The following AGBL1 variants were observed in gnomAD, a reference collection of about 807,000 sequenced individuals.
AGBL1 encodes AGBL carboxypeptidase 1.
In AGBL1, 130 loss-of-function variants were observed where a neutral mutation model predicts 118.9. The observed-to-expected ratio is 1.09, with a 90% CI of 0.95 to 1.26. The LOEUF is 1.26. Ranked by LOEUF, AGBL1 falls within the 50% of genes most tolerant of loss-of-function variation. AGBL1 has a pLI of 0.00. For synonymous variants in AGBL1, 555 were observed against 478.9 expected, an observed-to-expected ratio of 1.16 and a Z score of -2.08; for missense variants, 1,584 against 1,298.1, an observed-to-expected ratio of 1.22 and a Z score of -3.38.
chr15:86,642,659 C>T (rs2085212210), intron 21 of AGBL1, among the ~76,000 whole-genome samples: 1 of 151,950 alleles, frequency 6.6e-6, no homozygotes, highest in Non-Finnish European at 1.5e-5. Flanking sequence ...ACCACTTTTA[C>T]AATCTGAGTA....
chr15:86,725,466 G>A (rs561753987), intron 22 of AGBL1, among the ~76,000 whole-genome samples: 1 of 152,294 alleles, frequency 6.6e-6, no homozygotes, highest in South Asian at 2.1e-4. Flanking sequence ...AAGTCTGAAA[G>A]GTATGAGAAC....
At chr15:86,137,247 A>G (rs565720621) in intron 1 of AGBL1, among the ~76,000 whole-genome samples, 1 of 152,348 alleles carries the variant, frequency 6.6e-6, no homozygotes, top group East Asian at 1.9e-4. Flanking sequence ...GGCATTATGA[A>G]CTGAACGTCT....
rs905852077 is a variant in AGBL1 at position 86,269,307 on chromosome 15, A to C, written c.1839-612A>C. Reference sequence around the variant, plus strand: ...ACTAGGTTATTTGATTTTTATAAACAGCACCTCAAGTTTAGACACTTCCAT... The same window carrying C: ...ACTAGGTTATTTGATTTTTATAAACCGCACCTCAAGTTTAGACACTTCCAT... On this transcript the variant is annotated intron_variant, in intron 13 of 22. Transcript: ENST00000614907. Among the ~76,000 whole-genome samples the C allele has an allele frequency of 2.6e-5, 4 of 152,234 alleles. No homozygotes were observed. In the East Asian group the frequency reaches 7.7e-4, roughly 29 times the overall value.
At chr15:86,390,607 A>C (rs1401943975) in intron 17 of AGBL1, among the ~76,000 whole-genome samples, 1 of 151,878 alleles carries the variant, frequency 6.6e-6, no homozygotes, top group Admixed American at 6.6e-5. Flanking sequence ...GATAGCTCCC[A>C]AAAGTATTAT....
intron 21 of AGBL1, among the ~76,000 whole-genome samples, chr15:86,564,233 C>T (rs1001243342): frequency 6.6e-6 from 1 of 152,104 alleles, no homozygotes; most frequent in Non-Finnish European, 1.5e-5. Context: ...CATCGATGGT[C>T]TTTACAATTT....
chr15:86,211,766 A>G (rs2078103066), intron 5 of AGBL1, among the ~76,000 whole-genome samples: 1 of 152,146 alleles, frequency 6.6e-6, no homozygotes, highest in Non-Finnish European at 1.5e-5. Flanking sequence ...TTTGCTAGGA[A>G]AGGGAAATCC....
At chr15:86,118,221 G>A (rs1263691583) in intron 1 of AGBL1, among the ~76,000 whole-genome samples, 3 of 152,190 alleles carry the variant, frequency 2.0e-5, no homozygotes, top group African/African-American at 4.8e-5. Context: ...AGGTGCTGGG[G>A]AGCCCTAGTT....
At chr15:86,660,655 C>T (rs148920526) in intron 21 of AGBL1, among the ~76,000 whole-genome samples, 1 of 152,040 alleles carries the variant, frequency 6.6e-6, no homozygotes, top group Non-Finnish European at 1.5e-5. Flanking sequence ...TTTTATACAG[C>T]AATCTCATTG....
chr15:86,772,600 G>T (rs1342436700), intron 22 of AGBL1, among the ~76,000 whole-genome samples: 4 of 152,016 alleles, frequency 2.6e-5, no homozygotes, highest in Non-Finnish European at 5.9e-5. Flanking sequence ...AGAGAAGAGG[G>T]CCTGTGGCTG....
Position 86,495,725 on chromosome 15 carries a change from C to T in AGBL1, c.2556-27085C>T, listed in dbSNP as rs552601771. Among the ~76,000 whole-genome samples, 101 of 152,020 alleles carry T rather than the reference C, an allele frequency of 6.6e-4. 1 individual carries two copies. Among genetic ancestry groups the T allele is most frequent in the African/African-American group, 2.4e-3 (98 of 41,528 alleles). ...TCTTATTTTTGACATAGCATGAGAA[C>T]ATTTTTAATAAATATTCAATATATG... On this transcript the variant is annotated intron_variant, in intron 18 of 22. Coordinates refer to ENST00000614907, the MANE Select transcript of AGBL1 (RefSeq NM_001386094.1).
chr15:86,215,831 C>G (rs1191283007), intron 5 of AGBL1, among the ~76,000 whole-genome samples: 1 of 152,102 alleles, frequency 6.6e-6, no homozygotes, highest in African/African-American at 2.4e-5. Flanking sequence ...TTGAACGGGT[C>G]CTAGAGTGGA....
At position 86,861,795 on chromosome 15, in the gene AGBL1, A is replaced by T. The variant is rs202217007; in HGVS notation, c.3159-45292A>T. On this transcript the variant is annotated intron_variant, in intron 22 of 22. Transcript: ENST00000614907. ...GATGTGTTTGAAATGTCCAACCCTA[A>T]AGTATTTATTTGTATTCATGGGTTA... Among the ~76,000 whole-genome samples the T allele has an allele frequency of 6.6e-5, 10 of 152,180 alleles. No individual in the cohort carries two copies. The South Asian group carries it at 1.0e-3, about 16-fold the overall frequency.
intron 17 of AGBL1, among the ~76,000 whole-genome samples, chr15:86,298,654 A>AC (rs1247959591): frequency 6.6e-6 from 1 of 152,052 alleles, no homozygotes; most frequent in Non-Finnish European, 1.5e-5. Context: ...CCTCTCAGGG[A>AC]CTAGGGTAGC....
intron 23 of AGBL1, among the ~76,000 whole-genome samples, chr15:86,946,878 G>C (rs1312497335): frequency 7.0e-6 from 1 of 142,272 alleles, no homozygotes; most frequent in Admixed American, 7.1e-5. Flanking sequence ...AGAAAAGAAA[G>C]AAAAAGAAAT....
In AGBL1 at chr15:86,490,481, T is replaced by C. The variant is rs8038197; in HGVS notation, c.2556-32329T>C. On this transcript the variant is annotated intron_variant, in intron 18 of 22. Coordinates refer to ENST00000614907, the MANE Select transcript of AGBL1 (RefSeq NM_001386094.1). ...GGCAGGAGGTCATGAGATATCTGGT[T>C]AGTTGTGGGGAAATTTTTGCTTTTG... Among the ~76,000 whole-genome samples, 512 of 152,196 alleles carry C rather than the reference T, an allele frequency of 3.4e-3. 3 individuals are homozygous for C. Among genetic ancestry groups the C allele is most frequent in the African/African-American group, 0.012 (491 of 41,544 alleles).
chr15:86,952,944 G>T (rs533495370), intron 23 of AGBL1, among the ~76,000 whole-genome samples: 4 of 152,136 alleles, frequency 2.6e-5, no homozygotes, highest in Admixed American at 6.6e-5. Flanking sequence ...TCTCCCCATT[G>T]TGTGTTTTTG....
chr15:86,716,919 G>C (rs2086647751), intron 22 of AGBL1, among the ~76,000 whole-genome samples: 2 of 152,196 alleles, frequency 1.3e-5, no homozygotes, highest in Non-Finnish European at 2.9e-5. Flanking sequence ...TGTGATTTGG[G>C]AGAAGTTGTT....
intron 22 of AGBL1, among the ~76,000 whole-genome samples, chr15:86,906,766 A>G (rs1004285516): frequency 1.3e-5 from 2 of 152,144 alleles, no homozygotes; most frequent in Admixed American, 1.3e-4. Context: ...TAAGAAATGT[A>G]TACTCTGCTG....
intron 24 of AGBL1, among the ~76,000 whole-genome samples, chr15:87,010,837 C>G (rs1007619549): frequency 6.6e-6 from 1 of 152,174 alleles, no homozygotes; most frequent in Non-Finnish European, 1.5e-5. Flanking sequence ...TGTCTGCCTA[C>G]ATACTTACCT....
Sources: allele counts gnomAD v4.1 joint callset (sites outside exome capture counted in the v4.1 genomes callset), GRCh38; gene constraint gnomAD v4.1.1; transcripts MANE v1.5; gene names NCBI Gene and HGNC (gene_info 2026-07-23, HGNC 2026-07-21).